Variants in RCC1L observed in about 807,000 individuals in gnomAD.
RCC1L encodes the protein RCC1 like.
In RCC1L, 46 loss-of-function variants were observed where a neutral mutation model predicts 58.6. The observed-to-expected ratio is 0.79, with a 90% CI of 0.62 to 1.00. The LOEUF (loss-of-function observed/expected upper bound fraction) is 1.00, where lower values mean the gene tolerates loss of function less well. RCC1L is among the 50% of genes least tolerant of loss of function. The pLI is 0.00. For missense variants in RCC1L, 636 were observed against 623.6 expected, an observed-to-expected ratio of 1.02 and a Z score of -0.21; for synonymous variants, 281 against 262.9, an observed-to-expected ratio of 1.07 and a Z score of -0.67.
intron 10 of RCC1L, among the ~76,000 whole-genome samples, chr7:75,046,520 C>A (rs1014127985): frequency 5.3e-5 from 8 of 152,252 alleles, no homozygotes; most frequent in Non-Finnish European, 1.0e-4. Flanking sequence ...AAGGGCCCGG[C>A]TCCTGGGAGC....
chr7:75,027,620 G>A (rs907600735), exon 11 of RCC1L: 24 of 207,222 alleles, frequency 1.2e-4, no homozygotes, highest in Non-Finnish European at 1.7e-4. Context: ...GTGTCGGGGC[G>A]CGCTGGGGCC....
At chr7:75,045,717 T>C (rs1805699223) in intron 10 of RCC1L, among the ~76,000 whole-genome samples, 1 of 152,210 alleles carries the variant, frequency 6.6e-6, no homozygotes. Flanking sequence ...GGTTTCACCA[T>C]GTTGGCTAGG....
At chr7:75,064,797 G>A in intron 3 of RCC1L, 149 bp from the exon 4 acceptor site, 1 of 844,518 alleles carries the variant, frequency 1.2e-6, no homozygotes, top group South Asian at 1.4e-5. Context: ...AACTTTCTCA[G>A]GCTCTGCAGA....
intron 10 of RCC1L, among the ~76,000 whole-genome samples, chr7:75,033,737 T>TA (rs1359035726): frequency 6.7e-6 from 1 of 150,198 alleles, no homozygotes; most frequent in Non-Finnish European, 1.5e-5. Context: ...TGCATACCTG[T>TA]AATCCCAACT....
At chr7:75,066,075 G>A (rs1195017827) in intron 3 of RCC1L, among the ~76,000 whole-genome samples, 1 of 151,094 alleles carries the variant, frequency 6.6e-6, no homozygotes, top group Non-Finnish European at 1.5e-5. Flanking sequence ...GGACTTCATA[G>A]CAAATGGATC....
downstream of RCC1L, among the ~76,000 whole-genome samples, chr7:75,038,988 G>A (rs1019140869): frequency 9.3e-4 from 141 of 152,328 alleles, no homozygotes; most frequent in Non-Finnish European, 1.7e-3. Context: ...CAACAGGCGC[G>A]CGTCACCACG....
chr7:75,071,887 T>C (rs1806741339), intron 1 of RCC1L, among the ~76,000 whole-genome samples: 1 of 151,618 alleles, frequency 6.6e-6, no homozygotes, highest in Admixed American at 6.6e-5. Context: ...TTATAGGGAA[T>C]AGTACCCATC....
At chr7:75,055,018 G>C (rs939814102) in intron 9 of RCC1L, among the ~76,000 whole-genome samples, 2 of 152,228 alleles carry the variant, frequency 1.3e-5, no homozygotes, top group Non-Finnish European at 2.9e-5. Context: ...CTGGTACAGA[G>C]GGTGAGCATC....
In RCC1L at chr7:75,055,914, A is replaced by G; in HGVS notation, c.1218T>C (p.Phe406=). 1 of 1,613,998 alleles carries G rather than the reference A, an allele frequency of 6.2e-7. No individual in the cohort carries two copies. Among genetic ancestry groups the G allele is most frequent in the African/African-American group, 1.3e-5 (1 of 75,052 alleles). ...VSRIRCGLSH[F]AALTNKGELF... is the part of the protein sequence containing the mutation. ...TTGGTAACTTACTGGTCAGTGCAGC[A>G]AAGTGGCTGAGTCCACATCGGATGC... Residue 406 remains phenylalanine (F), a synonymous_variant, in exon 9 of 11, where the codon TTT becomes TTC. Transcript: ENST00000610322.
In RCC1L at chr7:75,050,057, C is replaced by T. The variant is rs1050234333; in HGVS notation, c.1317+2654G>A. On this transcript the variant is annotated intron_variant, in intron 10 of 10. Transcript: ENST00000610322. ...TGCAAGAGGAAGGACAATGGTTTGG[C>T]GCCAAATGCCGCCGTCACGGGGACA... is the stretch of plus-strand genomic sequence containing the variant. 1.2e-4 allele frequency among the ~76,000 whole-genome samples: 18 copies of T among 152,286 alleles called. 1 individual carries two copies. Among genetic ancestry groups the T allele is most frequent in the Non-Finnish European group, 2.2e-4 (15 of 68,028 alleles).
chr7:75,029,000 C>T (rs1805222396), intron 10 of RCC1L, among the ~76,000 whole-genome samples: 1 of 151,660 alleles, frequency 6.6e-6, no homozygotes, highest in East Asian at 1.9e-4. Context: ...CCGGAAGCAG[C>T]AGCGTAGCCA....
chr7:75,031,728 A>G (rs1053527175), intron 10 of RCC1L, among the ~76,000 whole-genome samples: 4 of 152,150 alleles, frequency 2.6e-5, no homozygotes, highest in African/African-American at 9.7e-5. Context: ...GTTGCCCCCA[A>G]ACTTAGCGGC....
At chr7:75,071,822 C>T (rs1331605375) in intron 1 of RCC1L, among the ~76,000 whole-genome samples, 2 of 151,788 alleles carry the variant, frequency 1.3e-5, no homozygotes, top group South Asian at 2.1e-4. Flanking sequence ...ATAATAGTAC[C>T]ATCTCTCTCA....
chr7:75,054,792 G>A (rs1458636333), intron 9 of RCC1L, among the ~76,000 whole-genome samples: 6 of 151,128 alleles, frequency 4.0e-5, no homozygotes, highest in African/African-American at 7.3e-5. Flanking sequence ...CAAAAAAAAA[G>A]AATTCATGAG....
At chr7:75,028,887 C>T (rs2131963735) in intron 10 of RCC1L, among the ~76,000 whole-genome samples, 1 of 152,342 alleles carries the variant, frequency 6.6e-6, no homozygotes, top group Non-Finnish European at 1.5e-5. Context: ...GACCCAAAGC[C>T]TCACTCCAAA....
At position 75,069,261 on chromosome 7, in the gene RCC1L, C is replaced by T. The variant is rs587625850; in HGVS notation, c.454+1379G>A. Among the ~76,000 whole-genome samples, 8 of 152,234 alleles carry T rather than the reference C, an allele frequency of 5.3e-5. No homozygotes were observed. In the South Asian group the frequency reaches 1.7e-3, roughly 32 times the overall value. On this transcript the variant is annotated intron_variant, in intron 2 of 10. Transcript: ENST00000610322. ...AGGCTGGAGTGCGGTGGCGCAATCA[C>T]CGCTCACTGCAGCCTCAAACTCCTG...
intron 1 of RCC1L, among the ~76,000 whole-genome samples, chr7:75,071,783 T>A (rs1554446140): frequency 6.6e-6 from 1 of 152,132 alleles, no homozygotes; most frequent in Non-Finnish European, 1.5e-5. Flanking sequence ...CCTCTATATC[T>A]GTTTCTCCTT....
downstream of RCC1L, among the ~76,000 whole-genome samples, chr7:75,039,922 A>G (rs1805515034): frequency 1.3e-5 from 2 of 152,132 alleles, no homozygotes. Context: ...CGTGTGTGTC[A>G]AATGCTGGGG....
intron 2 of RCC1L, among the ~76,000 whole-genome samples, chr7:75,068,249 G>C (rs1170667778): frequency 1.3e-5 from 2 of 151,450 alleles, no homozygotes; most frequent in African/African-American, 2.4e-5. Context: ...AAATCCAGGA[G>C]GAGGAGGCTG....
Sources: gnomAD v4.1 joint callset for allele counts (sites outside exome capture counted in the v4.1 genomes callset) on GRCh38, gnomAD v4.1.1 for gene constraint, MANE v1.5 for transcripts, NCBI Gene and HGNC (gene_info 2026-07-23, HGNC 2026-07-21) for gene names.